The following MAGI2 variants were observed in gnomAD, a reference collection of about 807,000 sequenced individuals.
MAGI2 encodes membrane-associated guanylate kinase, WW and PDZ domain-containing protein 2.
Under a neutral mutation model 133.3 loss-of-function variants are expected in MAGI2, and 35 were observed. The ratio of observed to expected loss-of-function variants is 0.26; its 90% CI spans 0.20 to 0.35. MAGI2 has a LOEUF of 0.35. MAGI2 is among the 10% of genes least tolerant of loss of function. The pLI is 1.00. For synonymous variants in MAGI2, 729 were observed against 710.6 expected (o/e 1.03, Z -0.41); for missense variants, 1,636 against 1,863.4 (o/e 0.88, Z 2.25).
intron 1 of MAGI2, among the ~76,000 whole-genome samples, chr7:79,208,114 C>T (rs550207720): frequency 2.0e-5 from 3 of 152,042 alleles, no homozygotes; most frequent in South Asian, 2.1e-4. Flanking sequence ...AACTGCATGA[C>T]ATTGGACTGG....
intron 9 of MAGI2, among the ~76,000 whole-genome samples, chr7:78,289,392 G>C (rs1187948493): frequency 6.6e-6 from 1 of 152,090 alleles, no homozygotes; most frequent in Non-Finnish European, 1.5e-5. Context: ...GAAGCGAGAA[G>C]AGAAGTTTAG....
At chr7:78,148,126 A>G (rs1270495190) in intron 16 of MAGI2, among the ~76,000 whole-genome samples, 2 of 152,198 alleles carry the variant, frequency 1.3e-5, no homozygotes, top group African/African-American at 4.8e-5. Flanking sequence ...CACCAGAAAC[A>G]GGAAACTACC....
intron 1 of MAGI2, among the ~76,000 whole-genome samples, chr7:79,263,590 T>C (rs960442665): frequency 6.6e-6 from 1 of 152,204 alleles, no homozygotes; most frequent in Non-Finnish European, 1.5e-5. Flanking sequence ...ATATGTGTTA[T>C]CACTTCAATA....
chr7:78,531,495 C>A (rs4730361), intron 3 of MAGI2, among the ~76,000 whole-genome samples: 146,456 of 152,260 alleles, frequency 0.96, 70,480 homozygotes, highest in East Asian at 1. Flanking sequence ...TACAGGCATG[C>A]GCCACCACAC....
intron 2 of MAGI2, among the ~76,000 whole-genome samples, chr7:78,877,083 C>T (rs1563612760): frequency 1.3e-5 from 2 of 152,146 alleles, no homozygotes; most frequent in African/African-American, 2.4e-5. Context: ...CAAGATGATC[C>T]AAGCTTACCT....
intron 2 of MAGI2, among the ~76,000 whole-genome samples, chr7:78,749,723 A>C (rs1179684426): frequency 6.6e-6 from 1 of 152,156 alleles, no homozygotes; most frequent in Non-Finnish European, 1.5e-5. Context: ...TTTTGAGGAA[A>C]GATTAAAAAA....
At chr7:78,964,311 A>G (rs1052406747) in intron 2 of MAGI2, among the ~76,000 whole-genome samples, 7 of 152,024 alleles carry the variant, frequency 4.6e-5, no homozygotes, top group Non-Finnish European at 8.8e-5. Flanking sequence ...TTCAGCACAT[A>G]TACTTTTATA....
chr7:79,265,820 TC>T (rs987807910), intron 1 of MAGI2, among the ~76,000 whole-genome samples: 1 of 152,174 alleles, frequency 6.6e-6, no homozygotes, highest in African/African-American at 2.4e-5. Flanking sequence ...CATCTAAGCT[TC>T]CTAAAGTGCT....
At chr7:78,852,008 A>G (rs1793175817) in intron 2 of MAGI2, among the ~76,000 whole-genome samples, 1 of 152,304 alleles carries the variant, frequency 6.6e-6, no homozygotes, top group African/African-American at 2.4e-5. Flanking sequence ...TCTCACTAGT[A>G]GTATATGAAT....
chr7:79,367,805 G>A lies in MAGI2; in HGVS notation c.301+85215C>T, dbSNP rs979400651. Among the ~76,000 whole-genome samples, 9 of 134,048 alleles carry A rather than the reference G, an allele frequency of 6.7e-5. No individual in the cohort carries two copies. In the East Asian group the frequency reaches 2.0e-3, roughly 30 times the overall value. The allele number at this position is 134,048 out of a possible 152,430, so 87.9% of individuals were successfully genotyped here. On this transcript the variant is annotated intron_variant, in intron 1 of 21. Coordinates refer to ENST00000354212, the MANE Select transcript of MAGI2 (RefSeq NM_012301.4). ...GTTTTAACCCAAGACAAAGTTGGATGGATTTGGAATACTCTTCCCCATTAA... is the reference window on the plus strand; with the variant it reads ...GTTTTAACCCAAGACAAAGTTGGATAGATTTGGAATACTCTTCCCCATTAA...
intron 3 of MAGI2, among the ~76,000 whole-genome samples, chr7:78,568,915 T>G (rs1801218509): frequency 6.6e-6 from 1 of 152,296 alleles, no homozygotes; most frequent in South Asian, 2.1e-4. Flanking sequence ...GCAGCCTGAC[T>G]TCCTTGCTAT....
intron 2 of MAGI2, among the ~76,000 whole-genome samples, chr7:78,726,237 C>T (rs1820794112): frequency 6.6e-6 from 1 of 152,086 alleles, no homozygotes; most frequent in Admixed American, 6.6e-5. Context: ...ATTTACAGTA[C>T]TATGTTTTCT....
chr7:79,048,351 A>G (rs1046539355), intron 1 of MAGI2, among the ~76,000 whole-genome samples: 7 of 152,230 alleles, frequency 4.6e-5, no homozygotes, highest in Non-Finnish European at 1.0e-4. Context: ...TTACACACAC[A>G]CAGTTTACTT....
At chr7:78,377,269 T>C (rs1037463371) in intron 6 of MAGI2, among the ~76,000 whole-genome samples, 4 of 152,056 alleles carry the variant, frequency 2.6e-5, no homozygotes, top group African/African-American at 9.7e-5. Context: ...GGGATGTGAA[T>C]GCTCCAATCC....
At chr7:79,043,428 A>C (rs1359715793) in intron 1 of MAGI2, among the ~76,000 whole-genome samples, 1 of 151,170 alleles carries the variant, frequency 6.6e-6, no homozygotes, top group East Asian at 2.0e-4. Context: ...CTGTAATCCC[A>C]GCTACTCAGG....
At chr7:78,697,581 T>C (rs1229676560) in intron 2 of MAGI2, among the ~76,000 whole-genome samples, 1 of 152,166 alleles carries the variant, frequency 6.6e-6, no homozygotes, top group African/African-American at 2.4e-5. Context: ...ATACTTAGCA[T>C]AGTGTCTGAC....
chr7:78,212,478 C>T (rs952777257), intron 10 of MAGI2, among the ~76,000 whole-genome samples: 4 of 152,194 alleles, frequency 2.6e-5, no homozygotes, highest in African/African-American at 9.6e-5. Context: ...GGAAGGGTGT[C>T]ACCGGCTATG....
intron 3 of MAGI2, among the ~76,000 whole-genome samples, chr7:78,581,400 G>A (rs989778540): frequency 6.6e-6 from 1 of 152,156 alleles, no homozygotes; most frequent in Admixed American, 6.5e-5. Context: ...TTCAAGGTCC[G>A]TGCTTTCCAG....
intron 2 of MAGI2, among the ~76,000 whole-genome samples, chr7:78,976,003 CA>C (rs894909895): frequency 6.6e-6 from 1 of 151,520 alleles, no homozygotes; most frequent in African/African-American, 2.4e-5. Context: ...CCATATTTAT[CA>C]AAAAAGTTAA....
Sources: allele counts gnomAD v4.1 joint callset (sites outside exome capture counted in the v4.1 genomes callset), GRCh38; gene constraint gnomAD v4.1.1; transcripts MANE v1.5; gene names NCBI Gene and HGNC (gene_info 2026-07-23, HGNC 2026-07-21).